RCBTB1: variants seen among roughly 807,000 people sequenced by gnomAD.
RCBTB1 encodes the protein RCC1 and BTB domain-containing protein 1.
In RCBTB1, 46 loss-of-function variants were observed where a neutral mutation model predicts 62.4. That is an observed-to-expected ratio of 0.74 (90% confidence interval 0.58 to 0.94). The LOEUF (loss-of-function observed/expected upper bound fraction) is 0.94. Ranked by LOEUF, RCBTB1 falls within the 40% of genes least tolerant of loss-of-function variation. The pLI is 0.00. For missense variants in RCBTB1, 565 were observed against 654.9 expected (o/e 0.86, Z 1.50); for synonymous variants, 222 against 245.8 (o/e 0.90, Z 0.91).
At chr13:49,541,115 T>A (rs1960329905) in intron 11 of RCBTB1, 109 bp from the exon 12 acceptor site, 5 of 863,240 alleles carry the variant, frequency 5.8e-6, no homozygotes, top group Non-Finnish European at 8.5e-6. Context: ...AGTTTCTTAG[T>A]GGATAAGATT....
chr13:49,573,209 T>C (rs141883335), intron 2 of RCBTB1, among the ~76,000 whole-genome samples: 313 of 152,326 alleles, frequency 2.1e-3, no homozygotes, highest in African/African-American at 6.9e-3. Context: ...CCTGTATGAT[T>C]ACAATTTTTC....
intron 12 of RCBTB1, among the ~76,000 whole-genome samples, chr13:49,536,298 C>A (rs1442426600): frequency 6.6e-6 from 1 of 152,084 alleles, no homozygotes; most frequent in Non-Finnish European, 1.5e-5. Context: ...TAAAAGGAAG[C>A]CCTGAACGCA....
In RCBTB1 at chr13:49,532,061, G is replaced by A. The variant is rs529396862; in HGVS notation, c.*2061C>T. The A allele has an allele frequency of 1.3e-5, 2 of 152,468 alleles. No homozygotes were observed. The highest frequency in any genetic ancestry group is 2.9e-5 in the Non-Finnish European group (2 of 68,026). The allele number at this position is 152,468 out of a possible 1,614,324, so 9.4% of individuals were successfully genotyped here. Reference sequence around the variant, plus strand: ...TAAGAAGTTCAAGAGTACATTTAGGGCTATCTTAAGAAATATGAATACTTT... The same window carrying A: ...TAAGAAGTTCAAGAGTACATTTAGGACTATCTTAAGAAATATGAATACTTT... On this transcript the variant is annotated 3_prime_UTR_variant, in exon 13 of 13. Transcript: ENST00000378302.
At position 49,540,951 on chromosome 13, in the gene RCBTB1, C is replaced by T. The variant is rs770221068; in HGVS notation, c.1380G>A (p.Gln460=). The change falls in exon 12 of 13, where the codon CAG becomes CAA. Residue 460 remains glutamine, a synonymous_variant. Coordinates refer to ENST00000378302, the MANE Select transcript of RCBTB1 (RefSeq NM_018191.4). Reference sequence around the variant, plus strand: ...CAGTAATTCCTCTCTTGATAATGTGCTGACAAAGTTTTTTCAGTCTGTTTT... The same window carrying T: ...CAGTAATTCCTCTCTTGATAATGTGTTGACAAAGTTTTTTCAGTCTGTTTT... ...YCENRLKKLC[Q]HIIKRGITVE... is the part of the protein sequence containing the mutation. The T allele has an allele frequency of 6.2e-7, 1 of 1,613,602 alleles. No homozygotes were observed. Among genetic ancestry groups the T allele is most frequent in the Non-Finnish European group, 8.5e-7 (1 of 1,179,976 alleles).
chr13:49,553,670 GTAGGGCGGCAGACA>G (rs1961589927), intron 6 of RCBTB1, among the ~76,000 whole-genome samples: 1 of 152,184 alleles, frequency 6.6e-6, no homozygotes. Flanking sequence ...CCACAGCAAT[GTAGGGCGGCAGACA>G]TAGACTGGGG....
intron 10 of RCBTB1, among the ~76,000 whole-genome samples, chr13:49,544,473 GAAACAAACAAAC>G (rs58168524): frequency 4.0e-5 from 6 of 151,238 alleles, no homozygotes; most frequent in East Asian, 1.9e-4. Flanking sequence ...CTGTCTCAAA[GAAACAAACAAAC>G]AAACAAACAA....
Position 49,567,160 on chromosome 13 carries a change from A to C in RCBTB1, c.120T>G (p.Asn40Lys), listed in dbSNP as rs372290207. 1.2e-6 allele frequency: 2 copies of C among 1,613,998 alleles called. No individual in the cohort carries two copies. Among genetic ancestry groups the C allele is most frequent in the Middle Eastern group, 1.7e-4 (1 of 6,058 alleles). Residue 40 changes from asparagine to lysine, a missense_variant, in exon 3 of 13, where the codon AAT becomes AAG. By Grantham distance (94) the Asn-to-Lys change is moderately conservative. Coordinates refer to ENST00000378302, the MANE Select transcript of RCBTB1 (RefSeq NM_018191.4). ...SASEALYVTDNDEVFVFGLNY... is the reference protein window; with the variant it reads ...SASEALYVTDKDEVFVFGLNY... ...GGTTTCAAGAGACTCTTACCTCATC[A>C]TTGTCAGTAACGTACAGTGCTTCAC...
chr13:49,547,143 A>T (rs2139157906), intron 9 of RCBTB1: 1 of 1,277,592 alleles, frequency 7.8e-7, no homozygotes, highest in Non-Finnish European at 1.0e-6. Flanking sequence ...CCATTCAGTG[A>T]ACCAATTATT....
chr13:49,560,906 G>A (rs534674934), intron 4 of RCBTB1, among the ~76,000 whole-genome samples: 1 of 152,172 alleles, frequency 6.6e-6, no homozygotes, highest in Non-Finnish European at 1.5e-5. Context: ...GGGGATGAGG[G>A]GTGCACGGAG....
intron 4 of RCBTB1, among the ~76,000 whole-genome samples, chr13:49,562,953 C>T (rs941569245): frequency 6.6e-6 from 1 of 151,240 alleles, no homozygotes; most frequent in Non-Finnish European, 1.5e-5. Context: ...TGAAATATTA[C>T]AAGAAGAAAT....
chr13:49,566,558 G>A, intron 4 of RCBTB1, 60 bp downstream of exon 4: 1 of 1,532,118 alleles, frequency 6.5e-7, no homozygotes, highest in Non-Finnish European at 8.9e-7. Context: ...TCTCCCCTAA[G>A]CTTAGAATTA....
At chr13:49,534,327 T>C in intron 12 of RCBTB1, 65 bp from the exon 13 acceptor site, 3 of 1,525,660 alleles carry the variant, frequency 2.0e-6, no homozygotes, top group Non-Finnish European at 1.8e-6. Context: ...GAATTACTTC[T>C]CTCTGAGCCC....
At chr13:49,571,733 C>T (rs558382869) in intron 2 of RCBTB1, among the ~76,000 whole-genome samples, 10 of 152,232 alleles carry the variant, frequency 6.6e-5, no homozygotes, top group African/African-American at 2.2e-4. Flanking sequence ...GGCAGCAGAG[C>T]GTAACTGTAA....
chr13:49,535,597 G>A (rs1959878260), intron 12 of RCBTB1, among the ~76,000 whole-genome samples: 1 of 152,096 alleles, frequency 6.6e-6, no homozygotes, highest in African/African-American at 2.4e-5. Context: ...CACAAACATG[G>A]AGAGACCCCT....
chr13:49,549,872 G>A (rs1436420740), intron 8 of RCBTB1: 1 of 985,296 alleles, frequency 1.0e-6, no homozygotes, highest in Non-Finnish European at 1.2e-6. Context: ...CTGTGAGTTA[G>A]GATAGATCAC....
intron 6 of RCBTB1, among the ~76,000 whole-genome samples, chr13:49,554,802 T>C (rs1048166745): frequency 3.3e-5 from 5 of 152,190 alleles, no homozygotes; most frequent in African/African-American, 1.2e-4. Context: ...GTGGAAAAAC[T>C]GTCTTCCATG....
chr13:49,532,180 G>C lies in RCBTB1; in HGVS notation c.*1942C>G, dbSNP rs1959611129. The C allele has an allele frequency of 7.4e-6, 1 of 135,602 alleles. No homozygotes were observed. Among genetic ancestry groups the C allele is most frequent in the African/African-American group, 2.6e-5 (1 of 38,284 alleles). 8.4% of individuals were successfully genotyped at this position (135,602 alleles called of 1,614,324 possible). A position where few individuals can be genotyped will look rare whatever the true frequency, so the allele number is the denominator to read the frequency against. ...CAAAAAAACAAGTAGAAAAATAAGAGAGTGTATTTAAAAAAAATAATCAAA... is the reference window on the plus strand; with the variant it reads ...CAAAAAAACAAGTAGAAAAATAAGACAGTGTATTTAAAAAAAATAATCAAA... On this transcript the variant is annotated 3_prime_UTR_variant, in exon 13 of 13. Coordinates refer to ENST00000378302, the MANE Select transcript of RCBTB1 (RefSeq NM_018191.4).
intron 6 of RCBTB1, among the ~76,000 whole-genome samples, chr13:49,554,397 C>T (rs144004736): frequency 2.6e-4 from 40 of 152,174 alleles, no homozygotes; most frequent in African/African-American, 7.2e-4. Context: ...GGATATTCAA[C>T]GGCCATCCCA....
intron 12 of RCBTB1, among the ~76,000 whole-genome samples, chr13:49,539,017 G>C (rs9535260): frequency 4.0e-5 from 6 of 151,470 alleles, no homozygotes; most frequent in African/African-American, 1.2e-4. Flanking sequence ...TTACAGGTAC[G>C]CACCACCACA....
Sources: allele counts gnomAD v4.1 joint callset (sites outside exome capture counted in the v4.1 genomes callset), GRCh38; gene constraint gnomAD v4.1.1; transcripts MANE v1.5; gene names NCBI Gene and HGNC (gene_info 2026-07-23, HGNC 2026-07-21).